Variants in PCDHA4 observed in about 807,000 individuals in gnomAD.
PCDHA4 encodes protocadherin alpha-4.
PCDHA4 carries 49 observed loss-of-function variants against 61.4 expected under a neutral mutation model. The observed-to-expected ratio is 0.80, with a 90% CI of 0.63 to 1.01. PCDHA4 has a LOEUF of 1.01. Among genes scored for constraint, PCDHA4 ranks in the 50% least tolerant of loss-of-function variants. PCDHA4 has a pLI of 0.00. For missense variants in PCDHA4, 1,254 were observed against 1,235.8 expected (o/e 1.01, Z -0.22); for synonymous variants, 590 against 550.3 (o/e 1.07, Z -1.01).
At chr5:140,984,634 C>G (rs540344154) in intron 3 of PCDHA4, among the ~76,000 whole-genome samples, 4 of 152,298 alleles carry the variant, frequency 2.6e-5, no homozygotes, top group African/African-American at 9.6e-5. Context: ...AAGGGATTCT[C>G]TGCCTTCTCC....
chr5:140,863,769 C>T (rs1032568276), intron 1 of PCDHA4: 6 of 236,858 alleles, frequency 2.5e-5, no homozygotes, highest in African/African-American at 1.1e-4. Context: ...GAAGCCGAGG[C>T]GGGCGGATCA....
At chr5:140,948,273 T>A (rs1563231021) in intron 1 of PCDHA4, among the ~76,000 whole-genome samples, 1 of 151,602 alleles carries the variant, frequency 6.6e-6, no homozygotes, top group South Asian at 2.1e-4. Context: ...ATGTAGAATA[T>A]CTGTAAATAA....
intron 1 of PCDHA4, among the ~76,000 whole-genome samples, chr5:140,945,754 G>T (rs1206591237): frequency 1.3e-5 from 2 of 152,078 alleles, no homozygotes; most frequent in African/African-American, 4.8e-5. Context: ...TTCAATAAAT[G>T]GTGGTGGGAC....
At chr5:140,823,677 C>T (rs1767833513) in intron 1 of PCDHA4, 3 of 1,613,930 alleles carry the variant, frequency 1.9e-6, no homozygotes, top group South Asian at 1.1e-5. Flanking sequence ...GCACAACACG[C>T]TCTCTGGATG....
At chr5:140,935,104 A>C (rs1233919640) in intron 1 of PCDHA4, among the ~76,000 whole-genome samples, 1 of 152,126 alleles carries the variant, frequency 6.6e-6, no homozygotes, top group South Asian at 2.1e-4. Flanking sequence ...GCCATTTTTC[A>C]AAGAGCTTTC....
At position 140,857,211 on chromosome 5, in the gene PCDHA4, T is replaced by C; in HGVS notation, c.2385+47639T>C. 5 of 1,598,632 alleles carry C rather than the reference T, an allele frequency of 3.1e-6. 1 individual carries two copies. Among genetic ancestry groups the C allele is most frequent in the Non-Finnish European group, 4.3e-6 (5 of 1,167,976 alleles). On this transcript the variant is annotated intron_variant, in intron 1 of 3. Coordinates refer to ENST00000530339, the MANE Select transcript of PCDHA4 (RefSeq NM_018907.4). ...GCCAACGGACAGGTCACCTGCTCTCTGACGCCTCACGTTCCGTTCAAGCTG... is the reference window on the plus strand; with the variant it reads ...GCCAACGGACAGGTCACCTGCTCTCCGACGCCTCACGTTCCGTTCAAGCTG...
rs1554148909 is a variant in PCDHA4, at chr5:140,856,599, A to G, written c.2385+47027A>G. 10 of 1,597,910 alleles carry G rather than the reference A, an allele frequency of 6.3e-6. 1 individual carries two copies. Among genetic ancestry groups the G allele is most frequent in the African/African-American group, 1.3e-5 (1 of 74,324 alleles). ...TATTTTGTTCTTGATATTATAAACAAAAAAGACAAAGACAAATTCCCAGTG... is the reference window on the plus strand; with the variant it reads ...TATTTTGTTCTTGATATTATAAACAGAAAAGACAAAGACAAATTCCCAGTG... On this transcript the variant is annotated intron_variant, in intron 1 of 3. Transcript: ENST00000530339.
At chr5:140,848,969 C>T in intron 1 of PCDHA4, 2 of 1,604,404 alleles carry the variant, frequency 1.2e-6, no homozygotes, top group Non-Finnish European at 8.5e-7. Context: ...AGGGCGCGTC[C>T]GATGCAGATA....
chr5:140,897,509 G>T (rs2153456975), intron 1 of PCDHA4, among the ~76,000 whole-genome samples: 1 of 152,062 alleles, frequency 6.6e-6, no homozygotes, highest in East Asian at 1.9e-4. Context: ...CCCTACAAAG[G>T]ACATGAACTC....
chr5:140,884,305 G>C, intron 1 of PCDHA4: 1 of 1,613,720 alleles, frequency 6.2e-7, no homozygotes, highest in African/African-American at 1.3e-5. Flanking sequence ...CACAGGCTTC[G>C]TCGAGGGCGT....
chr5:140,899,052 C>CCAA (rs1554188364), intron 1 of PCDHA4, among the ~76,000 whole-genome samples: 7 of 151,400 alleles, frequency 4.6e-5, no homozygotes, highest in Non-Finnish European at 1.0e-4. Flanking sequence ...TATCCTGAGA[C>CCAA]TTTGCTGAAG....
intron 3 of PCDHA4, among the ~76,000 whole-genome samples, chr5:141,001,514 C>A (rs2098022369): frequency 6.6e-6 from 1 of 152,210 alleles, no homozygotes; most frequent in Admixed American, 6.5e-5. Flanking sequence ...GCTTAGCTTT[C>A]TCCCTCTCTC....
rs149174279 is a variant in PCDHA4, at chr5:140,843,203, A to G, written c.2385+33631A>G. 525 of 1,595,940 alleles carry G rather than the reference A, an allele frequency of 3.3e-4. 48 individuals carry two copies. Among genetic ancestry groups the G allele is most frequent in the Non-Finnish European group, 7.1e-5 (83 of 1,165,544 alleles). ...CATCCCGTTCCGCGTGGGGCTGTAC[A>G]CGGGCGAGATCAGCACCACTCGTGT... is the stretch of plus-strand genomic sequence containing the variant. On this transcript the variant is annotated intron_variant, in intron 1 of 3. Coordinates refer to ENST00000530339, the MANE Select transcript of PCDHA4 (RefSeq NM_018907.4).
chr5:140,829,747 G>C (rs2150173825), intron 1 of PCDHA4: 21 of 1,613,704 alleles, frequency 1.3e-5, no homozygotes, highest in Non-Finnish European at 1.7e-5. Flanking sequence ...TGACGCTGCA[G>C]GTGTTCGTGC....
chr5:140,974,578 C>A (rs1554236214), intron 1 of PCDHA4, among the ~76,000 whole-genome samples: 1 of 152,170 alleles, frequency 6.6e-6, no homozygotes, highest in Non-Finnish European at 1.5e-5. Flanking sequence ...ATGGCATGAT[C>A]TTGGCTCACT....
At chr5:140,941,214 C>CCTTTCTTCCTTTCTTTCTTTCTTTCTTT (rs2092875794) in intron 1 of PCDHA4, among the ~76,000 whole-genome samples, 1 of 122,414 alleles carries the variant, frequency 8.2e-6, no homozygotes, top group Non-Finnish European at 1.7e-5. Flanking sequence ...TTTCTTTCTT[C>CCTTTCTTCCTTTCTTTCTTTCTTTCTTT]CTTTCTTTCT....
chr5:140,930,668 T>C (rs2087022080), intron 1 of PCDHA4, among the ~76,000 whole-genome samples: 1 of 152,216 alleles, frequency 6.6e-6, no homozygotes, highest in South Asian at 2.1e-4. Flanking sequence ...GTTTTACTAT[T>C]CTAGGCAATA....
chr5:140,846,328 A>G (rs188043229), intron 1 of PCDHA4, among the ~76,000 whole-genome samples: 2 of 147,118 alleles, frequency 1.4e-5, no homozygotes, highest in East Asian at 3.9e-4. Flanking sequence ...TGTTGTAAAT[A>G]GCCTTTTAAA....
chr5:140,914,783 A>G (rs1445627539), intron 1 of PCDHA4, among the ~76,000 whole-genome samples: 1 of 151,972 alleles, frequency 6.6e-6, no homozygotes, highest in Admixed American at 6.6e-5. Context: ...TTATCTTATG[A>G]CCCATTATTT....
Sources: gnomAD v4.1 joint callset for allele counts (sites outside exome capture counted in the v4.1 genomes callset) on GRCh38, gnomAD v4.1.1 for gene constraint, MANE v1.5 for transcripts, NCBI Gene and HGNC (gene_info 2026-07-23, HGNC 2026-07-21) for gene names.